Variants in TBC1D9 observed in about 807,000 individuals in gnomAD.
TBC1D9 encodes TBC1 domain family member 9A.
Under a neutral mutation model 132.0 loss-of-function variants are expected in TBC1D9, and 63 were observed. The observed-to-expected ratio is 0.48, with a 90% CI of 0.39 to 0.59. The LOEUF is 0.59. TBC1D9 is among the 20% of genes least tolerant of loss of function. The pLI, the probability that TBC1D9 is intolerant of heterozygous loss-of-function variation, is 0.00. For missense variants in TBC1D9, 1,261 were observed against 1,592.7 expected, an observed-to-expected ratio of 0.79 and a Z score of 3.54; for synonymous variants, 610 against 609.9, an observed-to-expected ratio of 1.00 and a Z score of 0.00.
At chr4:140,698,273 C>T (rs540292457) in intron 2 of TBC1D9, among the ~76,000 whole-genome samples, 1 of 152,208 alleles carries the variant, frequency 6.6e-6, no homozygotes, top group Admixed American at 6.5e-5. Context: ...AGGTCAGAGT[C>T]CCAGCTTCCT....
At chr4:140,667,307 C>T (rs1737463262) in intron 9 of TBC1D9, among the ~76,000 whole-genome samples, 1 of 152,192 alleles carries the variant, frequency 6.6e-6, no homozygotes, top group Non-Finnish European at 1.5e-5. Flanking sequence ...TCAACATTAT[C>T]TCTGAGATAG....
chr4:140,669,215 G>A (rs1225638836), intron 8 of TBC1D9, 148 bp from the exon 9 acceptor site: 1 of 799,098 alleles, frequency 1.3e-6, no homozygotes, highest in Admixed American at 2.9e-5. Context: ...ATTTTCTGGA[G>A]TTCTTCTCTA....
intron 1 of TBC1D9, among the ~76,000 whole-genome samples, chr4:140,754,593 C>T (rs1040224122): frequency 6.4e-5 from 7 of 108,840 alleles, no homozygotes; most frequent in Admixed American, 1.5e-4. Flanking sequence ...CCAGCCTGGG[C>T]GACAAAGCAG....
intron 13 of TBC1D9, among the ~76,000 whole-genome samples, chr4:140,651,705 T>C (rs932808932): frequency 6.6e-6 from 1 of 152,102 alleles, no homozygotes; most frequent in African/African-American, 2.4e-5. Context: ...GGTGAAATAA[T>C]ACACTGTCTG....
rs377218494 is a variant in TBC1D9, at chr4:140,668,907, G to A, written c.1588+10C>T. The A allele has an allele frequency of 5.6e-5, 90 of 1,613,156 alleles. No homozygotes were observed. The highest frequency in any genetic ancestry group is 7.6e-5 in the Non-Finnish European group (90 of 1,179,724). On this transcript the variant is annotated intron_variant, in intron 9 of 20. Coordinates refer to ENST00000442267, the MANE Select transcript of TBC1D9 (RefSeq NM_015130.3). ...CTTTGACGCCAGCATTCCCAGCCCA[G>A]CGGCCGTACCTGACAGCAGCAGCCA... is the stretch of plus-strand genomic sequence containing the variant.
intron 13 of TBC1D9, among the ~76,000 whole-genome samples, chr4:140,650,736 C>T (rs1331844172): frequency 3.3e-5 from 5 of 151,996 alleles, no homozygotes; most frequent in Admixed American, 2.6e-4. Context: ...GGTTTTGCCA[C>T]GTTGGCCAGG....
At chr4:140,740,946 T>C (rs1265920927) in intron 1 of TBC1D9, among the ~76,000 whole-genome samples, 14 of 152,052 alleles carry the variant, frequency 9.2e-5, no homozygotes, top group Non-Finnish European at 1.8e-4. Flanking sequence ...AAACCAAAAA[T>C]AAAATTCTAA....
In TBC1D9 at chr4:140,657,867, T is replaced by C. The variant is rs1737296804; in HGVS notation, c.1922-55A>G. 4.5e-6 allele frequency: 7 copies of C among 1,543,492 alleles called. No individual in the cohort carries two copies. In the Admixed American group the frequency reaches 9.7e-5, roughly 21 times the overall value. ...AGCTTAGCCAACTACACAGTGTAAC[T>C]AAAGAATCCATTCAAACAACTTGAC... is the stretch of plus-strand genomic sequence containing the variant. On this transcript the variant is annotated intron_variant, in intron 11 of 20. Transcript: ENST00000442267.
chr4:140,701,682 G>T, intron 1 of TBC1D9, 68 bp from the exon 2 acceptor site: 1 of 1,166,608 alleles, frequency 8.6e-7, no homozygotes, highest in Non-Finnish European at 1.3e-6. Context: ...CCCAGGGGCA[G>T]CATGAACATG....
chr4:140,643,478 G>T, intron 13 of TBC1D9: 1 of 891,546 alleles, frequency 1.1e-6, no homozygotes, highest in Non-Finnish European at 1.8e-6. Flanking sequence ...AGGTGCTGCC[G>T]GGCACAGGCA....
intron 2 of TBC1D9, among the ~76,000 whole-genome samples, chr4:140,694,910 A>G (rs1737930691): frequency 6.6e-6 from 1 of 152,076 alleles, no homozygotes; most frequent in Non-Finnish European, 1.5e-5. Flanking sequence ...AGGAGCAATT[A>G]TTTTTGTTTG....
At chr4:140,643,061 C>T in intron 13 of TBC1D9, 5 of 1,282,226 alleles carry the variant, frequency 3.9e-6, no homozygotes, top group Admixed American at 2.2e-5. Context: ...CCTTCTTGCG[C>T]ATCCAGCTGT....
intron 1 of TBC1D9, among the ~76,000 whole-genome samples, chr4:140,732,766 T>A (rs1331538270): frequency 1.3e-5 from 2 of 152,096 alleles, no homozygotes; most frequent in African/African-American, 2.4e-5. Flanking sequence ...TTTTTTTTGG[T>A]GGAAAGGGTG....
At position 140,689,336 on chromosome 4, in the gene TBC1D9, A is replaced by G. The variant is rs78038607; in HGVS notation, c.242-2874T>C. On this transcript the variant is annotated intron_variant, in intron 2 of 20. Coordinates refer to ENST00000442267, the MANE Select transcript of TBC1D9 (RefSeq NM_015130.3). ...GTTGTCGTGGATAGAAAAGCCCATC[A>G]GCCATAAGACCTATCAGCTTTGCAC... Among the ~76,000 whole-genome samples, 336 of 152,118 alleles carry G rather than the reference A, an allele frequency of 2.2e-3. 3 individuals are homozygous for G. The highest frequency in any genetic ancestry group is 0.014 in the East Asian group (73 of 5,148).
chr4:140,669,877 A>G (rs1003116544), intron 7 of TBC1D9, 73 bp from the exon 8 acceptor site: 2 of 1,401,546 alleles, frequency 1.4e-6, no homozygotes, highest in African/African-American at 1.4e-5. Flanking sequence ...TGTCTTCTGT[A>G]TGGTTATCAA....
intron 2 of TBC1D9, among the ~76,000 whole-genome samples, chr4:140,690,445 T>C (rs927546810): frequency 6.6e-6 from 1 of 152,144 alleles, no homozygotes; most frequent in Non-Finnish European, 1.5e-5. Flanking sequence ...TATCTTCCTT[T>C]ACCAGCACTA....
At chr4:140,735,097 C>A (rs187051758) in intron 1 of TBC1D9, among the ~76,000 whole-genome samples, 4 of 152,290 alleles carry the variant, frequency 2.6e-5, no homozygotes, top group Admixed American at 1.3e-4. Flanking sequence ...TTATCAAATT[C>A]TTTCAACCTG....
At chr4:140,744,967 T>C (rs538284757) in intron 1 of TBC1D9, among the ~76,000 whole-genome samples, 109 of 151,168 alleles carry the variant, frequency 7.2e-4, no homozygotes, top group African/African-American at 2.5e-3. Context: ...ACAACTCCTA[T>C]CTTAACCCAG....
chr4:140,695,217 G>C (rs1257578310), intron 2 of TBC1D9, among the ~76,000 whole-genome samples: 1 of 152,124 alleles, frequency 6.6e-6, no homozygotes, highest in East Asian at 1.9e-4. Context: ...CTGAGAACTT[G>C]GTCTGAGCAC....
Sources: gnomAD v4.1 joint callset for allele counts (sites outside exome capture counted in the v4.1 genomes callset) on GRCh38, gnomAD v4.1.1 for gene constraint, MANE v1.5 for transcripts, NCBI Gene and HGNC (gene_info 2026-07-23, HGNC 2026-07-21) for gene names.